Variants in GPR137B observed in about 807,000 individuals in gnomAD.
GPR137B encodes G protein-coupled receptor 137B.
GPR137B carries 42 observed loss-of-function variants against 42.5 expected under a neutral mutation model. The observed-to-expected ratio is 0.99, with a 90% confidence interval of 0.77 to 1.28. The LOEUF is 1.28. Ranked by LOEUF, GPR137B falls within the 50% of genes most tolerant of loss-of-function variation. The probability of loss-of-function intolerance (pLI) is 0.00; values close to 1 mark genes in which losing one functional copy is unlikely to be tolerated. For synonymous variants in GPR137B, 218 were observed against 209.7 expected, an observed-to-expected ratio of 1.04 and a Z score of -0.34; for missense variants, 487 against 493.9, an observed-to-expected ratio of 0.99 and a Z score of 0.13.
intron 2 of GPR137B, 31 bp downstream of exon 2, chr1:236,168,786 TAGA>T: frequency 6.7e-7 from 1 of 1,481,836 alleles, no homozygotes; most frequent in African/African-American, 1.4e-5. Flanking sequence ...CTTTCTGTGG[TAGA>T]AGGGGAAAGT....
At chr1:236,204,174 GTTT>G (rs1306870837) in intron 5 of GPR137B, among the ~76,000 whole-genome samples, 19 of 152,106 alleles carry the variant, frequency 1.2e-4, no homozygotes, top group African/African-American at 4.1e-4. Flanking sequence ...TGATCATATG[GTTT>G]TTATCTTTCA....
At chr1:236,177,742 G>A (rs1571987486) in intron 2 of GPR137B, among the ~76,000 whole-genome samples, 1 of 152,010 alleles carries the variant, frequency 6.6e-6, no homozygotes, top group African/African-American at 2.4e-5. Flanking sequence ...CTTTAGTAGA[G>A]ACGGGGTTTC....
At chr1:236,205,279 C>A in intron 6 of GPR137B, 29 bp downstream of exon 6, 1 of 1,597,124 alleles carries the variant, frequency 6.3e-7, no homozygotes, top group South Asian at 1.1e-5. Context: ...TTAGACAAGC[C>A]TCATCAGGAG....
At chr1:236,203,717 A>G (rs1294257573) in intron 5 of GPR137B, among the ~76,000 whole-genome samples, 1 of 152,150 alleles carries the variant, frequency 6.6e-6, no homozygotes, top group African/African-American at 2.4e-5. Context: ...AGTTTTCATT[A>G]TAGAGCTCTT....
In GPR137B at chr1:236,142,664, C is replaced by A; in HGVS notation, c.42C>A (p.Gly14=). 1.9e-6 allele frequency: 3 copies of A among 1,538,478 alleles called. No homozygotes were observed. The highest frequency in any genetic ancestry group is 2.4e-5 in the South Asian group (2 of 84,468). The change falls in exon 1 of 7, where the codon GGC becomes GGA. Residue 14 remains glycine (G), a synonymous_variant. Transcript: ENST00000366592. ...CCCGGCCGCGCGGCAGCGCCCCCGG[C>A]CCGATGGAGACCCCGCCGTGGGACC... is the stretch of plus-strand genomic sequence containing the variant. The part of the protein sequence containing the change: ...ERPRPRGSAP[G]PMETPPWDPA...
At chr1:236,169,651 G>A (rs1335072977) in intron 2 of GPR137B, among the ~76,000 whole-genome samples, 2 of 152,114 alleles carry the variant, frequency 1.3e-5, no homozygotes, top group African/African-American at 4.8e-5. Context: ...TATGTGAGGA[G>A]GGGGATCTGC....
intron 1 of GPR137B, among the ~76,000 whole-genome samples, chr1:236,148,494 C>T (rs750282011): frequency 1.3e-5 from 2 of 152,158 alleles, no homozygotes; most frequent in Non-Finnish European, 2.9e-5. Flanking sequence ...ACATGGTTTG[C>T]GGAAGGAAAT....
At position 236,151,035 on chromosome 1, in the gene GPR137B, C is replaced by T. The variant is rs548556221; in HGVS notation, c.414+7999C>T. Among the ~76,000 whole-genome samples the T allele has an allele frequency of 1.5e-3, 222 of 152,312 alleles. 2 individuals carry two copies. The highest frequency in any genetic ancestry group is 0.013 in the South Asian group (64 of 4,826). ...TGCAAGCGTCTTAGGGTTTTGCAAA[C>T]AACAAAGTCATGTGATCCCAAGAGC... On this transcript the variant is annotated intron_variant, in intron 1 of 6. Transcript: ENST00000366592.
intron 1 of GPR137B, among the ~76,000 whole-genome samples, chr1:236,165,418 T>C (rs1429648685): frequency 6.6e-6 from 1 of 152,162 alleles, no homozygotes; most frequent in Non-Finnish European, 1.5e-5. Flanking sequence ...GGTTTGTGAG[T>C]TATCCGCATC....
At position 236,163,969 on chromosome 1, in the gene GPR137B, A is replaced by G. The variant is rs375849702; in HGVS notation, c.415-4737A>G. On this transcript the variant is annotated intron_variant, in intron 1 of 6. Transcript: ENST00000366592. The stretch of plus-strand genomic sequence containing the variant: ...CTCCTCCCACCTCCCACACCTCCCC[A>G]TGCTTTCAACACCTCTCATACCTCC... Among the ~76,000 whole-genome samples the G allele has an allele frequency of 1.2e-4, 18 of 148,518 alleles. 1 individual carries two copies. The highest frequency in any genetic ancestry group is 4.5e-4 in the African/African-American group (18 of 40,014).
chr1:236,169,728 G>C (rs1662476298), intron 2 of GPR137B, among the ~76,000 whole-genome samples: 1 of 152,048 alleles, frequency 6.6e-6, no homozygotes, highest in South Asian at 2.1e-4. Context: ...CTAAGGCCAA[G>C]AACCAGTGGC....
chr1:236,178,427 C>G lies in GPR137B; in HGVS notation c.478C>G (p.Leu160Val). 6.2e-7 allele frequency: 1 copy of G among 1,612,974 alleles called. No homozygotes were observed. The highest frequency in any genetic ancestry group is 1.1e-5 in the South Asian group (1 of 91,018). The change falls in exon 3 of 7, where the codon CTG (leucine) becomes GTG (valine). Residue 160 changes from leucine (L) to valine (V), a missense_variant. By Grantham distance (32) the Leu-to-Val change is conservative. Coordinates refer to ENST00000366592, the MANE Select transcript of GPR137B (RefSeq NM_003272.4). ...CATGCCTTCCAGGTTGCCCCTCTACCTGGCCTCCCTCTTCATCAGCCTTGT... is the reference window on the plus strand; with the variant it reads ...CATGCCTTCCAGGTTGCCCCTCTACGTGGCCTCCCTCTTCATCAGCCTTGT... ...ELLKYRLPLY[L>V]ASLFISLVFL...
intron 1 of GPR137B, among the ~76,000 whole-genome samples, chr1:236,165,673 CATTAGGAAGACTGTA>C (rs1558483455): frequency 2.0e-5 from 3 of 152,184 alleles, no homozygotes; most frequent in Non-Finnish European, 4.4e-5. Flanking sequence ...CGGGAACACT[CATTAGGAAGACTGTA>C]ATTGGTCAAA....
In GPR137B at chr1:236,205,196, A is replaced by C; in HGVS notation, c.1037A>C (p.Tyr346Ser). 1 of 1,612,862 alleles carries C rather than the reference A, an allele frequency of 6.2e-7. No homozygotes were observed. Residue 346 changes from tyrosine to serine, a missense_variant, in exon 6 of 7, where the codon TAT becomes TCT. Transcript: ENST00000366592. ...TATTTCTTTGACAACCCTCGAAGAT[A>C]TGACAGTGATGATGACCTTGCCTGG... is the stretch of plus-strand genomic sequence containing the variant. ...RSYFFDNPRR[Y>S]DSDDDLAWNI...
intron 1 of GPR137B, among the ~76,000 whole-genome samples, chr1:236,147,334 C>T (rs1012857756): frequency 5.3e-5 from 8 of 152,256 alleles, no homozygotes; most frequent in African/African-American, 1.9e-4. Context: ...GTAACTGCCA[C>T]GTGGCCATGT....
intron 2 of GPR137B, among the ~76,000 whole-genome samples, chr1:236,174,416 T>G (rs1437680287): frequency 2.0e-5 from 3 of 152,126 alleles, no homozygotes; most frequent in African/African-American, 7.2e-5. Context: ...GTCCATAGAT[T>G]GAGCTGCCTC....
chr1:236,204,997 G>T, intron 5 of GPR137B, 129 bp from the exon 6 acceptor site: 1 of 737,148 alleles, frequency 1.4e-6, no homozygotes, highest in South Asian at 2.3e-5. Flanking sequence ...GAATATTCCA[G>T]CTGAACAGAT....
chr1:236,153,722 T>A (rs1191243012), intron 1 of GPR137B, among the ~76,000 whole-genome samples: 1 of 152,206 alleles, frequency 6.6e-6, no homozygotes, highest in Admixed American at 6.5e-5. Flanking sequence ...GTCCTTACAG[T>A]AGAGATATGA....
intron 5 of GPR137B, among the ~76,000 whole-genome samples, chr1:236,186,896 C>T (rs1449506453): frequency 6.6e-6 from 1 of 152,170 alleles, no homozygotes; most frequent in East Asian, 1.9e-4. Flanking sequence ...AATGGTATTT[C>T]TAGTTCTAGA....
Sources: gnomAD v4.1 joint callset for allele counts (sites outside exome capture counted in the v4.1 genomes callset) on GRCh38, gnomAD v4.1.1 for gene constraint, MANE v1.5 for transcripts, NCBI Gene and HGNC (gene_info 2026-07-23, HGNC 2026-07-21) for gene names.